MOGAT1: variants seen among roughly 807,000 people sequenced by gnomAD.
MOGAT1 encodes the protein 2-acylglycerol O-acyltransferase 1.
In MOGAT1, 32 loss-of-function variants were observed where a neutral mutation model predicts 31.4. That is an observed-to-expected ratio of 1.02 (90% CI 0.77 to 1.37). MOGAT1 has a LOEUF of 1.37. Among genes scored for constraint, MOGAT1 ranks in the 40% most tolerant of loss-of-function variants. The pLI is 0.00. For synonymous variants in MOGAT1, 145 were observed against 144.5 expected (o/e 1.00, Z -0.03); for missense variants, 426 against 402.0 (o/e 1.06, Z -0.51).
chr2:222,688,581 T>C, intron 2 of MOGAT1, 59 bp downstream of exon 2: 1 of 1,236,542 alleles, frequency 8.1e-7, no homozygotes, highest in Non-Finnish European at 1.1e-6. Context: ...GGAAATTTGT[T>C]TTCATCACAT....
chr2:222,686,204 T>C (rs1000329341), intron 1 of MOGAT1, among the ~76,000 whole-genome samples: 1 of 152,202 alleles, frequency 6.6e-6, no homozygotes, highest in African/African-American at 2.4e-5. Context: ...GAGGATAGCG[T>C]GGCTTTGTGA....
intron 3 of MOGAT1, among the ~76,000 whole-genome samples, chr2:222,690,259 A>T (rs1212633119): frequency 2.0e-5 from 3 of 152,166 alleles, no homozygotes; most frequent in Non-Finnish European, 4.4e-5. Context: ...AATCACAATT[A>T]AAAAAATAAA....
chr2:222,690,570 AG>A (rs201138128), intron 3 of MOGAT1, among the ~76,000 whole-genome samples: 2 of 152,126 alleles, frequency 1.3e-5, no homozygotes, highest in African/African-American at 4.8e-5. Context: ...AAAGAAAGAA[AG>A]AAAAAAAAGA....
intron 5 of MOGAT1, among the ~76,000 whole-genome samples, chr2:222,707,110 T>G: frequency 6.6e-6 from 1 of 152,180 alleles, no homozygotes; most frequent in Admixed American, 6.5e-5. Flanking sequence ...AAGAATTGCT[T>G]GAATCCAGGA....
chr2:222,701,133 G>A lies in MOGAT1; in HGVS notation c.853+5845G>A, dbSNP rs1015614594. On this transcript the variant is annotated intron_variant, in intron 5 of 5. Coordinates refer to ENST00000446656, the MANE Select transcript of MOGAT1 (RefSeq NM_058165.3). ...CCCGTGGCTGGCCGCGGTGGCTCAC[G>A]CCTGTAATCCCAGCTAGTTGGGAGG... 1.1e-4 allele frequency among the ~76,000 whole-genome samples: 17 copies of A among 152,180 alleles called. 1 individual carries two copies. The highest frequency in any genetic ancestry group is 7.9e-4 in the Admixed American group (12 of 15,278).
At chr2:222,688,204 A>G (rs1271960023) in intron 1 of MOGAT1, 140 bp from the exon 2 acceptor site, 2 of 577,936 alleles carry the variant, frequency 3.5e-6, no homozygotes, top group Non-Finnish European at 5.9e-6. Flanking sequence ...ATACTGTGTC[A>G]TTACTGTCTT....
At chr2:222,679,158 T>A (rs965598551) in intron 1 of MOGAT1, among the ~76,000 whole-genome samples, 1 of 152,210 alleles carries the variant, frequency 6.6e-6, no homozygotes. Context: ...TGCTCTCTAC[T>A]GCATTGCCCT....
chr2:222,688,114 C>T (rs1011446793), intron 1 of MOGAT1, among the ~76,000 whole-genome samples: 43 of 152,040 alleles, frequency 2.8e-4, no homozygotes, highest in African/African-American at 7.2e-5. Context: ...TGTGGCTATA[C>T]GACGATTAAA....
intron 1 of MOGAT1, among the ~76,000 whole-genome samples, chr2:222,678,857 C>T (rs1446828834): frequency 6.6e-6 from 1 of 152,174 alleles, no homozygotes; most frequent in African/African-American, 2.4e-5. Flanking sequence ...AGGAGAATTG[C>T]TTGAACCCGG....
chr2:222,707,349 A>G (rs147227899), intron 5 of MOGAT1, among the ~76,000 whole-genome samples: 83 of 76,160 alleles, frequency 1.1e-3, no homozygotes, highest in Admixed American at 2.9e-3. Context: ...GAAAGAAAGA[A>G]AAAGAAAGAA....
chr2:222,696,500 A>G (rs1386841810), intron 5 of MOGAT1, among the ~76,000 whole-genome samples: 1 of 151,950 alleles, frequency 6.6e-6, no homozygotes, highest in Non-Finnish European at 1.5e-5. Context: ...TTTGATTTAC[A>G]TTTCCCTGAT....
intron 5 of MOGAT1, among the ~76,000 whole-genome samples, chr2:222,699,888 G>T (rs1347578154): frequency 6.6e-6 from 1 of 152,172 alleles, no homozygotes; most frequent in Non-Finnish European, 1.5e-5. Flanking sequence ...AAAAACTGGA[G>T]CAGAAATGGA....
intron 5 of MOGAT1, among the ~76,000 whole-genome samples, chr2:222,707,345 AAGAAAAAGAAAG>A (rs1167094179): frequency 3.2e-5 from 3 of 93,496 alleles, no homozygotes; most frequent in African/African-American, 1.4e-4. Flanking sequence ...AAAAGAAAGA[AAGAAAAAGAAAG>A]AAAGAGAAAG....
At chr2:222,677,145 C>G (rs1200481166) in intron 1 of MOGAT1, among the ~76,000 whole-genome samples, 4 of 152,094 alleles carry the variant, frequency 2.6e-5, no homozygotes, top group African/African-American at 9.7e-5. Context: ...CAAAACCAGA[C>G]CAGCAAGTAA....
Position 222,695,096 on chromosome 2 carries a change from C to G in MOGAT1, c.661C>G (p.Leu221Val), listed in dbSNP as rs1386005271. 3.8e-6 allele frequency: 6 copies of G among 1,597,494 alleles called. No individual in the cohort carries two copies. The South Asian group carries it at 4.6e-5, about 12-fold the overall frequency. The change falls in exon 5 of 6, where the codon CTG (leucine) becomes GTG (valine). Residue 221 changes from leucine (L) to valine (V), a missense_variant. Coordinates refer to ENST00000446656, the MANE Select transcript of MOGAT1 (RefSeq NM_058165.3). Reference sequence around the variant, plus strand: ...TCCCCTTTGTTATTGCAGCGCCTCTCTGGTCCCAGTGGTTTCTTTTGGTGA... The same window carrying G: ...TCCCCTTTGTTATTGCAGCGCCTCTGTGGTCCCAGTGGTTTCTTTTGGTGA... Reference protein sequence around the residue: ...VKIALTHGASLVPVVSFGENE... With the variant: ...VKIALTHGASVVPVVSFGENE...
chr2:222,693,276 A>G (rs182067054), intron 3 of MOGAT1, among the ~76,000 whole-genome samples: 1 of 152,324 alleles, frequency 6.6e-6, no homozygotes, highest in Non-Finnish European at 1.5e-5. Context: ...AAGAGTATGT[A>G]GAACATGTGA....
At chr2:222,677,191 A>C (rs1467672105) in intron 1 of MOGAT1, among the ~76,000 whole-genome samples, 1 of 152,222 alleles carries the variant, frequency 6.6e-6, no homozygotes, top group African/African-American at 2.4e-5. Flanking sequence ...TCCACTTTTT[A>C]TGTTTTGTCA....
intron 1 of MOGAT1, among the ~76,000 whole-genome samples, chr2:222,675,696 G>T (rs538960399): frequency 6.6e-6 from 1 of 151,940 alleles, no homozygotes; most frequent in Non-Finnish European, 1.5e-5. Flanking sequence ...AGCCAGGATG[G>T]TCTCGGTCTC....
At chr2:222,676,570 A>G (rs1692500984) in intron 1 of MOGAT1, among the ~76,000 whole-genome samples, 1 of 152,214 alleles carries the variant, frequency 6.6e-6, no homozygotes, top group Non-Finnish European at 1.5e-5. Flanking sequence ...AGATATTTGT[A>G]TGAACATATA....
Sources: allele counts gnomAD v4.1 joint callset (sites outside exome capture counted in the v4.1 genomes callset), GRCh38; gene constraint gnomAD v4.1.1; transcripts MANE v1.5; gene names NCBI Gene and HGNC (gene_info 2026-07-23, HGNC 2026-07-21).